Variants in CDH12 observed in about 807,000 individuals in gnomAD.
The protein encoded by CDH12 is cadherin-12.
In CDH12, 41 loss-of-function variants were observed where a neutral mutation model predicts 74.1. The ratio of observed to expected loss-of-function variants is 0.55; its 90% CI spans 0.43 to 0.72. The LOEUF (loss-of-function observed/expected upper bound fraction) is 0.72, where lower values mean the gene tolerates loss of function less well. Ranked by LOEUF, CDH12 falls within the 30% of genes least tolerant of loss-of-function variation. The probability of loss-of-function intolerance (pLI) is 0.00; values close to 1 mark genes in which losing one functional copy is unlikely to be tolerated. For synonymous variants in CDH12, 399 were observed against 355.0 expected (o/e 1.12, Z -1.39); for missense variants, 945 against 977.2 (o/e 0.97, Z 0.44).
chr5:21,894,675 T>C (rs543434532), intron 6 of CDH12, among the ~76,000 whole-genome samples: 1 of 152,166 alleles, frequency 6.6e-6, no homozygotes, highest in Non-Finnish European at 1.5e-5. Flanking sequence ...TTAAAGAACA[T>C]TACCCCTTTT....
intron 12 of CDH12, 127 bp from the exon 13 acceptor site, chr5:21,760,802 G>T: frequency 1.5e-6 from 1 of 683,512 alleles, no homozygotes. Flanking sequence ...AATACCAGTA[G>T]GTCAATTATT....
chr5:22,032,667 C>T (rs1308892711), intron 5 of CDH12, among the ~76,000 whole-genome samples: 1 of 148,862 alleles, frequency 6.7e-6, no homozygotes, highest in Non-Finnish European at 1.5e-5. Flanking sequence ...GAGATCGTGC[C>T]ACTGTACTCC....
rs571709591 is a variant in CDH12, at chr5:21,784,747, G to A, written c.1257-1253C>T. Among the ~76,000 whole-genome samples the A allele has an allele frequency of 2.6e-5, 4 of 152,214 alleles. No homozygotes were observed. In the East Asian group the frequency reaches 7.7e-4, roughly 29 times the overall value. On this transcript the variant is annotated intron_variant, in intron 10 of 14. Coordinates refer to ENST00000382254, the MANE Select transcript of CDH12 (RefSeq NM_004061.5). ...GTTCATTGTGAAAAGTCAGTAAAGC[G>A]ATGTGTATCTCAACATAAAAAACTA... is the stretch of plus-strand genomic sequence containing the variant.
At chr5:21,910,843 T>C (rs143776088) in intron 6 of CDH12, among the ~76,000 whole-genome samples, 1 of 152,080 alleles carries the variant, frequency 6.6e-6, no homozygotes, top group Non-Finnish European at 1.5e-5. Context: ...CCATTAATAG[T>C]CCTCAAGTGT....
intron 1 of CDH12, among the ~76,000 whole-genome samples, chr5:22,846,757 T>C (rs765994646): frequency 1.3e-5 from 2 of 152,144 alleles, no homozygotes; most frequent in Non-Finnish European, 2.9e-5. Flanking sequence ...TTTTAAAAAG[T>C]AACACCTGCT....
chr5:21,789,771 T>C (rs969198646), intron 10 of CDH12, among the ~76,000 whole-genome samples: 6 of 152,126 alleles, frequency 3.9e-5, no homozygotes, highest in African/African-American at 1.4e-4. Context: ...TGTTGGAAAA[T>C]ATAGCACAGC....
At chr5:22,532,338 T>TA (rs1419396836) in intron 1 of CDH12, among the ~76,000 whole-genome samples, 9 of 117,036 alleles carry the variant, frequency 7.7e-5, no homozygotes. Context: ...AACAGATAAA[T>TA]TATATAAATA....
chr5:22,640,499 A>G (rs891324708), intron 1 of CDH12, among the ~76,000 whole-genome samples: 13 of 152,196 alleles, frequency 8.5e-5, no homozygotes, highest in Admixed American at 4.6e-4. Flanking sequence ...CAAAGCACCC[A>G]TAATTATTTG....
intron 1 of CDH12, among the ~76,000 whole-genome samples, chr5:22,634,807 A>C (rs1738754947): frequency 6.6e-6 from 1 of 152,182 alleles, no homozygotes; most frequent in Admixed American, 6.5e-5. Context: ...TAAGTGAAAT[A>C]TTCATTCACT....
chr5:21,904,413 T>C (rs1424509477), intron 6 of CDH12, among the ~76,000 whole-genome samples: 1 of 152,104 alleles, frequency 6.6e-6, no homozygotes, highest in Non-Finnish European at 1.5e-5. Context: ...TTTGGAATTC[T>C]TGAGAGTAAT....
Position 22,529,055 on chromosome 5 carries a change from GTGTATATA to G in CDH12, c.-522-23699_-522-23692del, listed in dbSNP as rs201309904. Among the ~76,000 whole-genome samples, 767 of 150,938 alleles carry G rather than the reference GTGTATATA, an allele frequency of 5.1e-3. 13 individuals are homozygous for G. The highest frequency in any genetic ancestry group is 0.018 in the African/African-American group (740 of 41,060). On this transcript the variant is annotated intron_variant, in intron 1 of 14. Transcript: ENST00000382254. ...TATATGCATATATATGCATATACAT[GTGTATATA>G]TGTATATATGCATATATATGCATGC...
intron 6 of CDH12, among the ~76,000 whole-genome samples, chr5:21,863,655 C>T (rs1751170864): frequency 6.6e-6 from 1 of 152,052 alleles, no homozygotes; most frequent in Non-Finnish European, 1.5e-5. Flanking sequence ...ATTTTCAATA[C>T]TAAATTGGGG....
chr5:22,519,841 C>A (rs563968708), intron 1 of CDH12, among the ~76,000 whole-genome samples: 7 of 152,204 alleles, frequency 4.6e-5, no homozygotes, highest in Non-Finnish European at 7.4e-5. Context: ...TTATGTAGTT[C>A]ATGGAGTTGT....
At chr5:22,745,382 A>T (rs1349797476) in intron 1 of CDH12, among the ~76,000 whole-genome samples, 1 of 152,158 alleles carries the variant, frequency 6.6e-6, no homozygotes, top group Non-Finnish European at 1.5e-5. Flanking sequence ...ATCTAAAGAT[A>T]GCAATACCAT....
chr5:22,422,515 G>A (rs887233393), intron 2 of CDH12, among the ~76,000 whole-genome samples: 1 of 151,966 alleles, frequency 6.6e-6, no homozygotes, highest in African/African-American at 2.4e-5. Context: ...TTCATCAGAA[G>A]GATTGGCCTA....
intron 1 of CDH12, among the ~76,000 whole-genome samples, chr5:22,664,039 C>A (rs1258824051): frequency 6.6e-6 from 1 of 152,048 alleles, no homozygotes; most frequent in Non-Finnish European, 1.5e-5. Context: ...ATGCAGATTA[C>A]CGTGTATTAA....
rs117383306 is a variant in CDH12, at chr5:22,373,266, C to A, written c.-333+31991G>T. Among the ~76,000 whole-genome samples, 65 of 152,322 alleles carry A rather than the reference C, an allele frequency of 4.3e-4. 2 individuals are homozygous for A. The East Asian group carries it at 0.011, about 25-fold the overall frequency. Reference sequence around the variant, plus strand: ...CCTGCTGATCCAACAGTTGGCACCCCCTGGCATGAGCCACCTGTGTGGACT... The same window carrying A: ...CCTGCTGATCCAACAGTTGGCACCCACTGGCATGAGCCACCTGTGTGGACT... On this transcript the variant is annotated intron_variant, in intron 3 of 14. Transcript: ENST00000382254.
At chr5:22,227,743 C>T (rs1752243599) in intron 3 of CDH12, among the ~76,000 whole-genome samples, 1 of 152,102 alleles carries the variant, frequency 6.6e-6, no homozygotes, top group African/African-American at 2.4e-5. Flanking sequence ...CTCCAGTTGC[C>T]TGCATTCACT....
intron 3 of CDH12, among the ~76,000 whole-genome samples, chr5:22,284,796 T>G: frequency 6.6e-6 from 1 of 151,952 alleles, no homozygotes; most frequent in East Asian, 1.9e-4. Context: ...AGCCACATTG[T>G]ATTTAAGGAT....
Sources: gnomAD v4.1 joint callset for allele counts (sites outside exome capture counted in the v4.1 genomes callset) on GRCh38, gnomAD v4.1.1 for gene constraint, MANE v1.5 for transcripts, NCBI Gene and HGNC (gene_info 2026-07-23, HGNC 2026-07-21) for gene names.